PLXNB2: variants seen among roughly 807,000 people sequenced by gnomAD.
PLXNB2 encodes the protein plexin B2, also known as plexin-B2.
A neutral mutation model predicts 202.6 loss-of-function variants in PLXNB2; 85 were observed. That is an observed-to-expected ratio of 0.42 (90% CI 0.35 to 0.50). The LOEUF is 0.50. Ranked by LOEUF, PLXNB2 falls within the 20% of genes least tolerant of loss-of-function variation. The pLI is 0.02. For missense variants in PLXNB2, 2,063 were observed against 2,586.2 expected (o/e 0.80, Z 4.39); for synonymous variants, 1,239 against 1,137.6 (o/e 1.09, Z -1.79).
At position 50,276,613 on chromosome 22, in the gene PLXNB2, C is replaced by G. The variant is rs2065618582; in HGVS notation, c.5337+16G>C. The G allele has an allele frequency of 6.2e-7, 1 of 1,608,606 alleles. No homozygotes were observed. Among genetic ancestry groups the G allele is most frequent in the Admixed American group, 1.7e-5 (1 of 59,998 alleles). On this transcript the variant is annotated intron_variant, in intron 35 of 36. Transcript: ENST00000359337. ...AGCGGGGAGGGCTGTGGGTGCGTCC[C>G]TGGTGGTCTCCTTACCCGGGAAATC...
chr22:50,279,599 G>T, intron 27 of PLXNB2, 31 bp downstream of exon 27: 1 of 1,608,880 alleles, frequency 6.2e-7, no homozygotes, highest in South Asian at 1.1e-5. Context: ...GATCCGAGGC[G>T]CCCATGGCGG....
At position 50,288,067 on chromosome 22, in the gene PLXNB2, C is replaced by T; in HGVS notation, c.1381-30G>A. 1 of 1,510,852 alleles carries T rather than the reference C, an allele frequency of 6.6e-7. No individual in the cohort carries two copies. The allele number at this position is 1,510,852 out of a possible 1,614,324, so 93.6% of individuals were successfully genotyped here. The stretch of plus-strand genomic sequence containing the variant: ...GGCAGCGGGGCCGTGAGTGGGACCA[C>T]AGCAGAGGCCGCACGGGCCTTCCGC... On this transcript the variant is annotated intron_variant, in intron 5 of 36. Transcript: ENST00000359337. This position sits in a 1 kb window ranked among gnomAD's most constrained non-coding sequence, Gnocchi z 5.0.
chr22:50,282,967 G>C, intron 17 of PLXNB2, 83 bp downstream of exon 17: 1 of 1,565,116 alleles, frequency 6.4e-7, no homozygotes, highest in East Asian at 2.3e-5. Context: ...CATCCCCTCA[G>C]GGCCACTCAG....
Position 50,281,412 on chromosome 22 carries a change from G to A in PLXNB2, c.3610C>T (p.Leu1204=). 6.2e-7 allele frequency: 1 copy of A among 1,612,466 alleles called. No homozygotes were observed. Among genetic ancestry groups the A allele is most frequent in the Non-Finnish European group, 8.5e-7 (1 of 1,179,784 alleles). ...ACGACCACCATGGGCACGATGACCA[G>A]CGGCAAGATGAGGCTGAGCGGCACG... ...SDVPLSLILP[L]VIVPMVVVIA... is the part of the protein sequence containing the mutation. The change falls in exon 22 of 37, where the codon CTG becomes TTG. Residue 1204 remains leucine (L), a synonymous_variant. Transcript: ENST00000359337.
At chr22:50,303,614 T>C (rs2067786737) in intron 1 of PLXNB2, among the ~76,000 whole-genome samples, 2 of 152,246 alleles carry the variant, frequency 1.3e-5, no homozygotes, top group Admixed American at 6.5e-5. Context: ...CACCAAGCAC[T>C]TCTCTCTCTT....
chr22:50,279,128 GC>G, intron 27 of PLXNB2, 117 bp from the exon 28 acceptor site: 2 of 1,045,874 alleles, frequency 1.9e-6, no homozygotes, highest in Non-Finnish European at 2.7e-6. Flanking sequence ...TGGGCAGCAG[GC>G]CCCCGCCAGC....
chr22:50,305,911 C>T (rs1601789162), intron 1 of PLXNB2, among the ~76,000 whole-genome samples: 4 of 152,198 alleles, frequency 2.6e-5, no homozygotes, highest in Admixed American at 2.6e-4. Flanking sequence ...CTGCTGGGGC[C>T]AACCTTGGGG....
In PLXNB2 at chr22:50,280,924, G is replaced by A. The variant is rs2065938829; in HGVS notation, c.3813C>T (p.Gly1271=). ...EDQTNDVHEA[G]IPVLDYKTYT... The stretch of plus-strand genomic sequence containing the variant: ...AGGTCTTGTAGTCCAGCACGGGGAT[G>A]CCGGCCTCGTGCACGTCGTTGGTCT... The change falls in exon 24 of 37, where the codon GGC becomes GGT. Residue 1271 remains glycine (G), a synonymous_variant. Coordinates refer to ENST00000359337, the MANE Select transcript of PLXNB2 (RefSeq NM_012401.4). 1.2e-6 allele frequency: 2 copies of A among 1,613,164 alleles called. No individual in the cohort carries two copies. Among genetic ancestry groups the A allele is most frequent in the Non-Finnish European group, 1.7e-6 (2 of 1,179,884 alleles).
At position 50,278,694 on chromosome 22, in the gene PLXNB2, A is replaced by G; in HGVS notation, c.4549T>C (p.Trp1517Arg). The G allele has an allele frequency of 1.2e-6, 2 of 1,609,764 alleles. No homozygotes were observed. The highest frequency in any genetic ancestry group is 1.7e-6 in the Non-Finnish European group (2 of 1,178,816). The change falls in exon 29 of 37, where the codon TGG (tryptophan) becomes CGG (arginine). Residue 1517 changes from tryptophan to arginine, a missense_variant and splice_region_variant. Around this residue, in one of 2 missense-constraint regions of PLXNB2, gnomAD observed 760 missense variants for 1,109.4 expected, o/e 0.69. Transcript: ENST00000359337. ...WPRPDSVVLE[W>R]RPGSTAQILS... ...ATCTGCGCTGTGGAGCCCGGACGCC[A>G]CTCTGTGGGAAGAGACAGCCCAGCT... is the stretch of plus-strand genomic sequence containing the variant.
chr22:50,300,584 A>G (rs892195813), intron 1 of PLXNB2, among the ~76,000 whole-genome samples: 5 of 152,178 alleles, frequency 3.3e-5, no homozygotes, highest in African/African-American at 1.2e-4. Flanking sequence ...GGACAGACTG[A>G]TGTGGAGGCC....
intron 1 of PLXNB2, among the ~76,000 whole-genome samples, chr22:50,298,125 G>A (rs936743518): frequency 2.6e-5 from 4 of 152,254 alleles, no homozygotes; most frequent in South Asian, 2.1e-4. Context: ...GGCACCTGCC[G>A]GTCCAAACTC....
chr22:50,286,987 G>A (rs1009077048), intron 8 of PLXNB2, 124 bp downstream of exon 8: 14 of 993,888 alleles, frequency 1.4e-5, no homozygotes, highest in African/African-American at 3.4e-5. Context: ...CTGGGCCCCC[G>A]GAGCAGCCGC....
intron 30 of PLXNB2, 45 bp from the exon 31 acceptor site, chr22:50,278,316 C>T (rs1173880930): frequency 1.9e-6 from 3 of 1,603,766 alleles, no homozygotes; most frequent in Non-Finnish European, 2.6e-6. Context: ...GGTCTGGGGG[C>T]CTGGGTCCCA....
chr22:50,284,291 C>A lies in PLXNB2; in HGVS notation c.2182-78G>T. ...GGGCGGGGGTCACAAGGGCAGCCTC[C>A]CTGTGGCCACCGGGTCCCTTCCCAG... On this transcript the variant is annotated intron_variant, in intron 12 of 36. Transcript: ENST00000359337. The surrounding 1 kb of genome is among the most constrained non-coding windows in gnomAD (Gnocchi z 8.0). 2 of 1,344,036 alleles carry A rather than the reference C, an allele frequency of 1.5e-6. No homozygotes were observed. Among genetic ancestry groups the A allele is most frequent in the Non-Finnish European group, 2.1e-6 (2 of 941,354 alleles). The allele number at this position is 1,344,036 out of a possible 1,614,324, so 83.3% of individuals were successfully genotyped here. A position where few individuals can be genotyped will look rare whatever the true frequency, so the allele number is the denominator to read the frequency against.
Position 50,281,572 on chromosome 22 carries a change from C to G in PLXNB2, c.3516G>C (p.Glu1172Asp), listed in dbSNP as rs767996562. Residue 1172 changes from glutamate (E) to aspartate (D), a missense_variant, in exon 21 of 37, where the codon GAG (glutamate) becomes GAC (aspartate). Coordinates refer to ENST00000359337, the MANE Select transcript of PLXNB2 (RefSeq NM_012401.4). ...QKRDTTHNLP[E>D]FIVKFGSREW... ...CCAGTCCCCGCTCACGCACAATGAA[C>G]TCGGGCAGGTTGTGTGTGGTGTCTC... 1.2e-6 allele frequency: 2 copies of G among 1,610,896 alleles called. No individual in the cohort carries two copies. Among genetic ancestry groups the G allele is most frequent in the Admixed American group, 3.3e-5 (2 of 59,936 alleles).
rs1334927536 is a variant in PLXNB2 at position 50,276,651 on chromosome 22, G to C, written c.5315C>G (p.Thr1772Arg). 1 of 1,613,704 alleles carries C rather than the reference G, an allele frequency of 6.2e-7. No homozygotes were observed. The highest frequency in any genetic ancestry group is 1.1e-5 in the South Asian group (1 of 91,080). ...MVQVSDQDMN[T>R]HLAEISRAHT... ...TACCCGGGAAATCTCTGCCAGGTGT[G>C]TGTTCATGTCCTGGTCGCTGACCTG... The change falls in exon 35 of 37, where the codon ACA becomes AGA. Residue 1772 changes from threonine to arginine, a missense_variant. Around this residue, in one of 2 missense-constraint regions of PLXNB2, gnomAD observed 760 missense variants for 1,109.4 expected, o/e 0.69. Transcript: ENST00000359337.
In PLXNB2 at chr22:50,280,822, A is replaced by G. The variant is rs11547734; in HGVS notation, c.3915T>C (p.Pro1305=). The change falls in exon 24 of 37, where the codon CCT becomes CCC. Residue 1305 remains proline (P), a synonymous_variant. Coordinates refer to ENST00000359337, the MANE Select transcript of PLXNB2 (RefSeq NM_012401.4). The stretch of plus-strand genomic sequence containing the variant: ...GCTCCACCACCGGCCGCCGCGGCTC[A>G]GGGATGTCCAGCTTGCCGGTGATCA... ...DVMITGKLDI[P]EPRRPVVEQA... is the part of the protein sequence containing the mutation. The G allele has an allele frequency of 0.6, 965,434 of 1,612,578 alleles. 290,308 individuals carry two copies. Among genetic ancestry groups the G allele is most frequent in the South Asian group, 0.66 (60,286 of 91,050 alleles).
chr22:50,278,196 G>T lies in PLXNB2; in HGVS notation c.4808C>A (p.Ser1603Tyr). The change falls in exon 31 of 37, where the codon TCC (serine) becomes TAC (tyrosine). Residue 1603 changes from serine (S) to tyrosine (Y), a missense_variant. By Grantham distance (144) the Ser-to-Tyr change is moderately radical. Around this residue, in one of 2 missense-constraint regions of PLXNB2, gnomAD observed 760 missense variants for 1,109.4 expected, o/e 0.69. Coordinates refer to ENST00000359337, the MANE Select transcript of PLXNB2 (RefSeq NM_012401.4). The stretch of plus-strand genomic sequence containing the variant: ...CTTCTCTTTCACGCTGCCTCTCTTG[G>T]ACTTGCCCTCGTCCACCTCGTCGGT... Reference protein sequence around the residue: ...RPTDEVDEGKSKRGSVKEKER... With the variant: ...RPTDEVDEGKYKRGSVKEKER... 1 of 1,608,404 alleles carries T rather than the reference G, an allele frequency of 6.2e-7. No homozygotes were observed. Among genetic ancestry groups the T allele is most frequent in the Non-Finnish European group, 8.5e-7 (1 of 1,179,908 alleles).
chr22:50,276,019 G>A (rs944176002), intron 35 of PLXNB2, 56 bp from the exon 36 acceptor site: 19 of 1,517,642 alleles, frequency 1.3e-5, no homozygotes, highest in Non-Finnish European at 1.7e-5. Context: ...CCCCAGGGCT[G>A]GCAGGAGTAG....
Sources: gnomAD v4.1 joint callset for allele counts (sites outside exome capture counted in the v4.1 genomes callset) on GRCh38, gnomAD v4.1.1 for gene constraint, gnomAD v4.1.1 regional missense constraint, Gnocchi (gnomAD v3.1) non-coding constraint, MANE v1.5 for transcripts, NCBI Gene and HGNC (gene_info 2026-07-23, HGNC 2026-07-21) for gene names.